The following URB1 variants were observed in gnomAD, a reference collection of about 807,000 sequenced individuals.
The protein encoded by URB1 is nucleolar pre-ribosomal-associated protein 1.
A neutral mutation model predicts 242.3 loss-of-function variants in URB1; 197 were observed. The observed-to-expected ratio is 0.81, with a 90% CI of 0.72 to 0.91. The LOEUF (loss-of-function observed/expected upper bound fraction) is 0.91. Among genes scored for constraint, URB1 ranks in the 40% least tolerant of loss-of-function variants. The pLI, the probability that URB1 is intolerant of heterozygous loss-of-function variation, is 0.00. For missense variants in URB1, 2,721 were observed against 2,860.5 expected, an observed-to-expected ratio of 0.95 and a Z score of 1.11; for synonymous variants, 1,153 against 1,201.8, an observed-to-expected ratio of 0.96 and a Z score of 0.84.
At chr21:32,343,155 T>C (rs888758376) in intron 24 of URB1, among the ~76,000 whole-genome samples, 1 of 152,146 alleles carries the variant, frequency 6.6e-6, no homozygotes, top group African/African-American at 2.4e-5. Context: ...TCACCAAACT[T>C]ATAATGAGAT....
chr21:32,334,776 C>T (rs984969887), intron 28 of URB1, among the ~76,000 whole-genome samples: 9 of 152,158 alleles, frequency 5.9e-5, no homozygotes, highest in African/African-American at 9.7e-5. Context: ...CTCCTGAGTC[C>T]ATGCTAGAAC....
intron 4 of URB1, 97 bp from the exon 5 acceptor site, chr21:32,378,638 C>G (rs1426415080): frequency 3.2e-6 from 3 of 934,764 alleles, no homozygotes; most frequent in Non-Finnish European, 5.1e-6. Context: ...CCCGTCTCAA[C>G]ATCACCAGCC....
intron 32 of URB1, among the ~76,000 whole-genome samples, chr21:32,323,975 AAAGT>A (rs1160748998): frequency 6.6e-6 from 1 of 152,096 alleles, no homozygotes; most frequent in Non-Finnish European, 1.5e-5. Context: ...AAAAACAAAA[AAAGT>A]GTGTGATCCT....
chr21:32,351,292 C>T (rs576750712), intron 19 of URB1, among the ~76,000 whole-genome samples: 3 of 152,278 alleles, frequency 2.0e-5, no homozygotes, highest in Non-Finnish European at 2.9e-5. Context: ...GCCCGCTCTG[C>T]GAGTGGCCTG....
chr21:32,346,022 T>C (rs914131833), intron 22 of URB1, among the ~76,000 whole-genome samples: 1 of 152,200 alleles, frequency 6.6e-6, no homozygotes, highest in Non-Finnish European at 1.5e-5. Flanking sequence ...GTTTGGGTCA[T>C]GGAGGCAGGT....
In URB1 at chr21:32,355,479, G is replaced by C; in HGVS notation, c.2076C>G (p.Asp692Glu). 1 of 1,551,848 alleles carries C rather than the reference G, an allele frequency of 6.4e-7. No individual in the cohort carries two copies. The highest frequency in any genetic ancestry group is 8.7e-7 in the Non-Finnish European group (1 of 1,147,028). ...CCAGAAACTGAATCACAGTCTCTTT[G>C]TCCTCTTCCATGGTGTTCTCTAAAT... ...LEHLENTMEE[D>E]KETVIQFLER... Residue 692 changes from aspartate to glutamate, a missense_variant, in exon 16 of 39, where the codon GAC (aspartate) becomes GAG (glutamate). Physicochemically the swap from Asp to Glu is conservative, Grantham distance 45. Transcript: ENST00000382751.
chr21:32,339,750 C>G (rs988453405), intron 25 of URB1, among the ~76,000 whole-genome samples: 1 of 152,206 alleles, frequency 6.6e-6, no homozygotes, highest in Non-Finnish European at 1.5e-5. Flanking sequence ...CTCAGCCTCC[C>G]AAAGTGCTGG....
Position 32,337,099 on chromosome 21 carries a change from G to T in URB1, c.4680C>A (p.Asn1560Lys). 1 of 1,551,864 alleles carries T rather than the reference G, an allele frequency of 6.4e-7. No individual in the cohort carries two copies. ...AYEQNKLSLI[N>K]FRVLLWGPAA... is the part of the protein sequence containing the mutation. ...ACCTCTAGCCCAACACTCACCTGAA[G>T]TTGATGAGGCTGAGCTTGTTCTGCT... The change falls in exon 28 of 39, where the codon AAC (asparagine) becomes AAA (lysine). Residue 1560 changes from asparagine to lysine, a missense_variant. Asn to Lys is a moderately conservative substitution (Grantham distance 94). Coordinates refer to ENST00000382751, the MANE Select transcript of URB1 (RefSeq NM_014825.3).
chr21:32,321,474 G>A (rs1025691607), intron 34 of URB1, among the ~76,000 whole-genome samples: 2 of 152,128 alleles, frequency 1.3e-5, no homozygotes, highest in African/African-American at 4.8e-5. Flanking sequence ...CACTCTGAAG[G>A]CTCATGATTA....
Position 32,362,013 on chromosome 21 carries a change from TG to T in URB1, c.1517del (p.Pro506GlnfsTer3). On this transcript the variant is annotated frameshift_variant, in exon 12 of 39. Transcript: ENST00000382751. LOFTEE classifies it high-confidence loss of function. ...AGACCCACACGACAGTGTTCAGGTCTGGCAAAATCTAAATGGGAAAAAGAAG... is the reference window on the plus strand; with the variant it reads ...AGACCCACACGACAGTGTTCAGGTCTGCAAAATCTAAATGGGAAAAAGAAG... ...LFREALSKILPDLNTVVWVWQ... is the reference protein window; with the variant it reads ...LFREALSKILXDLNTVVWVWQ... 6.4e-7 allele frequency: 1 copy of T among 1,551,206 alleles called. No homozygotes were observed. Among genetic ancestry groups the T allele is most frequent in the Non-Finnish European group, 8.7e-7 (1 of 1,146,844 alleles).
Position 32,361,022 on chromosome 21 carries a change from T to C in URB1, c.1741A>G (p.Ser581Gly), listed in dbSNP as rs1601145265. The C allele has an allele frequency of 1.3e-6, 2 of 1,549,726 alleles. No homozygotes were observed. The highest frequency in any genetic ancestry group is 1.7e-6 in the Non-Finnish European group (2 of 1,146,500). ...TGAAACCCACCTTTCAGGAGCTTGC[T>C]GAAGTCAAAGTTGTACTGCATGACC... ...HVVMQYNFDF[S>G]KLLKGVISEQ... The change falls in exon 13 of 39, where the codon AGC (serine) becomes GGC (glycine). Residue 581 changes from serine (S) to glycine (G), a missense_variant. Ser to Gly is a moderately conservative substitution (Grantham distance 56). Coordinates refer to ENST00000382751, the MANE Select transcript of URB1 (RefSeq NM_014825.3).
intron 15 of URB1, 103 bp downstream of exon 15, chr21:32,357,434 T>C: frequency 1.7e-6 from 2 of 1,200,436 alleles, no homozygotes; most frequent in Non-Finnish European, 2.1e-6. Context: ...CTAAAAACAA[T>C]TCCAATACCT....
Position 32,376,921 on chromosome 21 carries a change from CA to C in URB1, c.665-1439del, listed in dbSNP as rs530984759. On this transcript the variant is annotated intron_variant, in intron 5 of 38. Coordinates refer to ENST00000382751, the MANE Select transcript of URB1 (RefSeq NM_014825.3). ...AAGCAATCCTCCAGCCTCCAACTCC[CA>C]AAATGCTGGGATTACAGGTGTGAGC... Among the ~76,000 whole-genome samples, 248 of 152,244 alleles carry C rather than the reference CA, an allele frequency of 1.6e-3. 1 individual carries two copies. Among genetic ancestry groups the C allele is most frequent in the African/African-American group, 5.5e-3 (228 of 41,548 alleles).
chr21:32,357,675 T>C lies in URB1; in HGVS notation c.1870-19A>G, dbSNP rs2033237865. On this transcript the variant is annotated intron_variant, in intron 14 of 38. Transcript: ENST00000382751. ...GGCCTTCCTAGAGTTTAAACAATAT[T>C]ACGTATTTTTAGTATATATAATTAC... 1.4e-6 allele frequency: 2 copies of C among 1,415,032 alleles called. No homozygotes were observed. The highest frequency in any genetic ancestry group is 1.8e-6 in the Non-Finnish European group (2 of 1,087,830). The allele number at this position is 1,415,032 out of a possible 1,614,324, so 87.7% of individuals were successfully genotyped here.
At chr21:32,320,018 G>T (rs1047657066) in intron 35 of URB1, among the ~76,000 whole-genome samples, 1 of 152,210 alleles carries the variant, frequency 6.6e-6, no homozygotes, top group Non-Finnish European at 1.5e-5. Flanking sequence ...AGGAGAATCA[G>T]GAATCACAAT....
At chr21:32,355,137 G>A in intron 16 of URB1, 140 bp from the exon 17 acceptor site, 1 of 1,180,266 alleles carries the variant, frequency 8.5e-7, no homozygotes, top group Non-Finnish European at 1.2e-6. Flanking sequence ...ATGAAATTGG[G>A]CCTAAACTTT....
intron 26 of URB1, among the ~76,000 whole-genome samples, chr21:32,337,884 G>A (rs955984339): frequency 6.6e-6 from 1 of 151,948 alleles, no homozygotes; most frequent in African/African-American, 2.4e-5. Flanking sequence ...CCTTTGACAA[G>A]GCTGAATTCA....
intron 20 of URB1, among the ~76,000 whole-genome samples, chr21:32,349,799 A>C (rs2033136018): frequency 6.6e-6 from 1 of 152,160 alleles, no homozygotes; most frequent in Non-Finnish European, 1.5e-5. Context: ...TAATACACTT[A>C]AGAGGGAGGG....
In URB1 at chr21:32,373,670, CG is replaced by C. The variant is rs1568829680; in HGVS notation, c.852del (p.Asp285MetfsTer2). 26 of 1,541,092 alleles carry C rather than the reference CG, an allele frequency of 1.7e-5. No homozygotes were observed. The highest frequency in any genetic ancestry group is 2.1e-5 in the Non-Finnish European group (24 of 1,143,656). The part of the protein sequence containing the change: ...IASLYNWNGI[T>X]DVNPENVKVS... ...ACCTTGACATTTTCTGGGTTCACAT[CG>C]GTAATCCCATTCCAGTTGTACAGCG... On this transcript the variant is annotated frameshift_variant, in exon 7 of 39. Transcript: ENST00000382751. LOFTEE classifies it high-confidence loss of function.
Sources: gnomAD v4.1 joint callset for allele counts (sites outside exome capture counted in the v4.1 genomes callset) on GRCh38, gnomAD v4.1.1 for gene constraint, MANE v1.5 for transcripts, NCBI Gene and HGNC (gene_info 2026-07-23, HGNC 2026-07-21) for gene names.